The following SH3GLB1 variants were observed in gnomAD, a reference collection of about 807,000 sequenced individuals.
SH3GLB1 encodes endophilin-B1.
Under a neutral mutation model 42.0 loss-of-function variants are expected in SH3GLB1, and 17 were observed. The observed-to-expected ratio is 0.40, with a 90% CI of 0.28 to 0.61. The LOEUF (loss-of-function observed/expected upper bound fraction) is 0.61, where lower values mean the gene tolerates loss of function less well. Among genes scored for constraint, SH3GLB1 ranks in the 20% least tolerant of loss-of-function variants. The pLI is 0.36. For synonymous variants in SH3GLB1, 132 were observed against 146.6 expected (o/e 0.90, Z 0.72); for missense variants, 355 against 426.3 (o/e 0.83, Z 1.47).
At chr1:86,716,256 T>C (rs1344700306) in intron 2 of SH3GLB1, among the ~76,000 whole-genome samples, 2 of 123,100 alleles carry the variant, frequency 1.6e-5, no homozygotes, top group African/African-American at 7.2e-5. Flanking sequence ...TTTGGTGTGT[T>C]TTTTTGTTTG....
intron 1 of SH3GLB1, among the ~76,000 whole-genome samples, chr1:86,715,391 C>T (rs1570413065): frequency 1.3e-5 from 2 of 152,086 alleles, no homozygotes; most frequent in Non-Finnish European, 2.9e-5. Context: ...TACTCTTTAC[C>T]GTTATCCTAG....
intron 5 of SH3GLB1, among the ~76,000 whole-genome samples, chr1:86,732,393 T>A (rs530135166): frequency 6.2e-4 from 94 of 152,322 alleles, no homozygotes; most frequent in African/African-American, 2.2e-3. Context: ...TATCAGCCCT[T>A]TCTTATCTAT....
At chr1:86,719,750 C>T in intron 3 of SH3GLB1, 115 bp downstream of exon 3, 1 of 1,058,558 alleles carries the variant, frequency 9.4e-7, no homozygotes, top group South Asian at 2.0e-5. Flanking sequence ...AATCCCAGCA[C>T]TTTGGGTGGT....
chr1:86,728,494 G>A (rs1655325827), intron 5 of SH3GLB1: 7 of 1,529,128 alleles, frequency 4.6e-6, no homozygotes, highest in East Asian at 2.5e-5. Context: ...CTGAAGGTTT[G>A]TTGGCCTACT....
At chr1:86,705,118 C>A in intron 1 of SH3GLB1, 147 bp downstream of exon 1, 1 of 535,660 alleles carries the variant, frequency 1.9e-6, no homozygotes, top group Non-Finnish European at 3.2e-6. Context: ...GCGGCCTGGT[C>A]CCCTCCCCGG....
intron 5 of SH3GLB1, among the ~76,000 whole-genome samples, chr1:86,731,443 T>A (rs1357947895): frequency 6.6e-6 from 1 of 152,174 alleles, no homozygotes; most frequent in East Asian, 1.9e-4. Context: ...TATGCTCTTA[T>A]CCCCCCTTTG....
rs944989587 is a variant in SH3GLB1, at chr1:86,747,671, C to T, written c.*4436C>T. 6.6e-6 allele frequency: 1 copy of T among 152,206 alleles called. No homozygotes were observed. Among genetic ancestry groups the T allele is most frequent in the Non-Finnish European group, 1.5e-5 (1 of 68,044 alleles). The allele number at this position is 152,206 out of a possible 1,614,324, so 9.4% of individuals were successfully genotyped here. ...AGTCTAAAGTAAGCACTACCACCAT[C>T]CACGTTTTCACTCAACACAGTGCCT... On this transcript the variant is annotated 3_prime_UTR_variant, in exon 9 of 9. Coordinates refer to ENST00000370558, the MANE Select transcript of SH3GLB1 (RefSeq NM_016009.5).
Position 86,734,641 on chromosome 1 carries a change from C to G in SH3GLB1, c.610C>G (p.Arg204Gly). 4 of 1,613,022 alleles carry G rather than the reference C, an allele frequency of 2.5e-6. No homozygotes were observed. The highest frequency in any genetic ancestry group is 2.5e-6 in the Non-Finnish European group (3 of 1,179,306). ...ELRITQSEFDRQAEITRLLLE... is the reference protein window; with the variant it reads ...ELRITQSEFDGQAEITRLLLE... ...AAGAATAACTCAAAGTGAATTTGAT[C>G]GTCAAGCAGAGATTACCAGACTTCT... Residue 204 changes from arginine to glycine, a missense_variant, in exon 6 of 9, where the codon CGT (arginine) becomes GGT (glycine). Arg to Gly is a moderately radical substitution (Grantham distance 125, BLOSUM62 -2). Coordinates refer to ENST00000370558, the MANE Select transcript of SH3GLB1 (RefSeq NM_016009.5).
intron 1 of SH3GLB1, among the ~76,000 whole-genome samples, chr1:86,713,616 C>T (rs1377902002): frequency 1.3e-5 from 2 of 152,134 alleles, no homozygotes; most frequent in African/African-American, 4.8e-5. Context: ...GTTACCTACT[C>T]AGAGATGCTG....
At chr1:86,733,554 A>G (rs952356673) in intron 5 of SH3GLB1, among the ~76,000 whole-genome samples, 2 of 152,188 alleles carry the variant, frequency 1.3e-5, no homozygotes, top group African/African-American at 4.8e-5. Context: ...GATGTAACCA[A>G]TGATAATTCC....
intron 1 of SH3GLB1, among the ~76,000 whole-genome samples, chr1:86,713,637 T>C (rs557523602): frequency 1.6e-4 from 24 of 152,238 alleles, no homozygotes; most frequent in African/African-American, 5.3e-4. Flanking sequence ...TTTCTCTAAC[T>C]ACCCGCATCT....
rs1165438979 is a variant in SH3GLB1, at chr1:86,724,874, T to TAAAAA, written c.570+484_570+488dup. On this transcript the variant is annotated intron_variant, in intron 5 of 8. Transcript: ENST00000370558. ...GGGCAACAGAGCCAGACCCTGTCTT[T>TAAAAA]AAAAAAAAAAAAAAAAAAATATATA... 6.3e-3 allele frequency among the ~76,000 whole-genome samples: 619 copies of TAAAAA among 97,850 alleles called. 7 individuals are homozygous for TAAAAA. The highest frequency in any genetic ancestry group is 9.7e-3 in the Non-Finnish European group (506 of 51,944). 64.2% of individuals were successfully genotyped at this position (97,850 alleles called of 152,430 possible).
At chr1:86,724,890 A>ATATATATATATATATATAT (rs1349915743) in intron 5 of SH3GLB1, among the ~76,000 whole-genome samples, 1 of 102,968 alleles carries the variant, frequency 9.7e-6, no homozygotes, top group East Asian at 2.5e-4. Context: ...AAAAAAAAAA[A>ATATATATATATATATATAT]AAATATATAT....
At chr1:86,711,648 C>A (rs1410146262) in intron 1 of SH3GLB1, among the ~76,000 whole-genome samples, 1 of 151,992 alleles carries the variant, frequency 6.6e-6, no homozygotes, top group African/African-American at 2.4e-5. Flanking sequence ...CAAGAGATTA[C>A]AAAATCAGTA....
intron 5 of SH3GLB1, among the ~76,000 whole-genome samples, chr1:86,733,758 A>G (rs1435885288): frequency 6.6e-6 from 1 of 152,200 alleles, no homozygotes; most frequent in Admixed American, 6.5e-5. Context: ...GGTTGAAACC[A>G]GTAGTGGCAT....
intron 5 of SH3GLB1, among the ~76,000 whole-genome samples, chr1:86,725,864 C>T (rs1655170623): frequency 6.6e-6 from 1 of 152,056 alleles, no homozygotes. Flanking sequence ...GTATTAGTTA[C>T]TGCTAGAGAA....
At chr1:86,720,675 G>A (rs570872008) in intron 3 of SH3GLB1, among the ~76,000 whole-genome samples, 1 of 152,274 alleles carries the variant, frequency 6.6e-6, no homozygotes, top group South Asian at 2.1e-4. Context: ...ATATGAAATG[G>A]TAGGTAGATT....
chr1:86,712,453 A>G lies in SH3GLB1; in HGVS notation c.73-3271A>G, dbSNP rs187500642. 5.3e-5 allele frequency among the ~76,000 whole-genome samples: 8 copies of G among 152,304 alleles called. No individual in the cohort carries two copies. In the East Asian group the frequency reaches 9.6e-4, roughly 18 times the overall value. ...ACAGATGTGAGATTGAATCCCAACA[A>G]TGACACCTTGGACAAAGTGTTTAAT... On this transcript the variant is annotated intron_variant, in intron 1 of 8. Coordinates refer to ENST00000370558, the MANE Select transcript of SH3GLB1 (RefSeq NM_016009.5).
In SH3GLB1 at chr1:86,744,880, C is replaced by T. The variant is rs567156824; in HGVS notation, c.*1645C>T. The T allele has an allele frequency of 6.6e-6, 1 of 152,256 alleles. No individual in the cohort carries two copies. The highest frequency in any genetic ancestry group is 2.1e-4 in the South Asian group (1 of 4,826). 9.4% of individuals were successfully genotyped at this position (152,256 alleles called of 1,614,324 possible). A position where few individuals can be genotyped will look rare whatever the true frequency, so the allele number is the denominator to read the frequency against. ...TATAGTTGTACAAGATGTTTTGACT[C>T]ACTCTCAATTGCCATATTCTTAAAG... On this transcript the variant is annotated 3_prime_UTR_variant, in exon 9 of 9. Coordinates refer to ENST00000370558, the MANE Select transcript of SH3GLB1 (RefSeq NM_016009.5).
Sources: allele counts gnomAD v4.1 joint callset (sites outside exome capture counted in the v4.1 genomes callset), GRCh38; gene constraint gnomAD v4.1.1; transcripts MANE v1.5; gene names NCBI Gene and HGNC (gene_info 2026-07-23, HGNC 2026-07-21).